RNF212B: variants seen among roughly 807,000 people sequenced by gnomAD.
RNF212B encodes the protein E3 ubiquitin-protein ligase RNF212B.
Under a neutral mutation model 55.5 loss-of-function variants are expected in RNF212B, and 52 were observed. The ratio of observed to expected loss-of-function variants is 0.94; its 90% CI spans 0.75 to 1.18. RNF212B has a LOEUF of 1.18. RNF212B is among the 50% of genes most tolerant of loss of function. The pLI is 0.00. For synonymous variants in RNF212B, 99 were observed against 121.4 expected (o/e 0.82, Z 1.21); for missense variants, 289 against 350.4 (o/e 0.82, Z 1.40).
intron 7 of RNF212B, among the ~76,000 whole-genome samples, chr14:23,261,941 C>T (rs962534017): frequency 2.0e-5 from 3 of 151,928 alleles, no homozygotes; most frequent in Non-Finnish European, 2.9e-5. Context: ...GCACTCCAGC[C>T]TGGGTGACAG....
At chr14:23,186,740 C>T (rs1266457542) in intron 1 of RNF212B, among the ~76,000 whole-genome samples, 2 of 152,130 alleles carry the variant, frequency 1.3e-5, no homozygotes, top group African/African-American at 4.8e-5. Context: ...CATGTAGTAT[C>T]TTGGGCAGAC....
chr14:23,228,507 G>A (rs992808730), intron 2 of RNF212B, among the ~76,000 whole-genome samples: 2 of 149,710 alleles, frequency 1.3e-5, no homozygotes, highest in Non-Finnish European at 3.0e-5. Context: ...GTGGTGGCAT[G>A]TGCCTGTAGT....
At chr14:23,272,215 A>G (rs1886148863) in intron 14 of RNF212B, among the ~76,000 whole-genome samples, 1 of 152,164 alleles carries the variant, frequency 6.6e-6, no homozygotes, top group Non-Finnish European at 1.5e-5. Flanking sequence ...CAGGAGATCG[A>G]GACCATCCTG....
chr14:23,203,706 GA>G (rs1184051459), intron 2 of RNF212B, among the ~76,000 whole-genome samples: 3 of 152,076 alleles, frequency 2.0e-5, no homozygotes, highest in African/African-American at 7.2e-5. Context: ...TTGAACTCCT[GA>G]CCTCATGTGA....
At chr14:23,215,618 A>G (rs1287752989) in intron 2 of RNF212B, among the ~76,000 whole-genome samples, 1 of 152,208 alleles carries the variant, frequency 6.6e-6, no homozygotes, top group Non-Finnish European at 1.5e-5. Flanking sequence ...CCAGAATTCT[A>G]TACCCAGCAA....
Position 23,268,975 on chromosome 14 carries a change from T to C in RNF212B, c.674+12T>C, listed in dbSNP as rs1885884606. On this transcript the variant is annotated intron_variant, in intron 12 of 14. Transcript: ENST00000430154. The stretch of plus-strand genomic sequence containing the variant: ...AGCCTATCTTATAGGTCAGTAACAC[T>C]ATGCTTCCTTTTTCTTGGGATGTGT... 2.6e-6 allele frequency: 4 copies of C among 1,546,876 alleles called. No homozygotes were observed. Among genetic ancestry groups the C allele is most frequent in the Non-Finnish European group, 3.5e-6 (4 of 1,143,560 alleles).
intron 2 of RNF212B, among the ~76,000 whole-genome samples, chr14:23,226,818 T>C (rs1236487468): frequency 1.4e-5 from 2 of 139,710 alleles, no homozygotes; most frequent in African/African-American, 5.2e-5. Context: ...TCTTCTTTTT[T>C]TTTTTTTTAA....
intron 2 of RNF212B, among the ~76,000 whole-genome samples, chr14:23,205,004 T>G (rs1244336578): frequency 6.6e-6 from 1 of 152,192 alleles, no homozygotes; most frequent in Non-Finnish European, 1.5e-5. Context: ...TTAACTCAGT[T>G]TTTTTCCTAA....
At chr14:23,233,745 A>C (rs1292280924), upstream of RNF212B, among the ~76,000 whole-genome samples, 3 of 110,094 alleles carry the variant, frequency 2.7e-5, no homozygotes, top group African/African-American at 8.6e-5. Flanking sequence ...CTGTCTCAAA[A>C]AAAAAAAAAA....
chr14:23,213,609 A>G (rs1468918376), intron 2 of RNF212B, among the ~76,000 whole-genome samples: 2 of 152,140 alleles, frequency 1.3e-5, no homozygotes, highest in African/African-American at 4.8e-5. Flanking sequence ...GGTGGGAGTC[A>G]GTGCTCAGCT....
chr14:23,248,244 C>A (rs1216440930), intron 4 of RNF212B, among the ~76,000 whole-genome samples: 2 of 151,828 alleles, frequency 1.3e-5, no homozygotes, highest in African/African-American at 4.8e-5. Context: ...CCTCTCACCT[C>A]ACCCTCCCAG....
intron 2 of RNF212B, among the ~76,000 whole-genome samples, chr14:23,227,418 G>T (rs1448102843): frequency 6.6e-6 from 1 of 152,048 alleles, no homozygotes; most frequent in Non-Finnish European, 1.5e-5. Context: ...TTTTCTGGGT[G>T]CTGGGAATGT....
At chr14:23,231,117 A>G (rs982183226) in intron 2 of RNF212B, among the ~76,000 whole-genome samples, 2 of 152,108 alleles carry the variant, frequency 1.3e-5, no homozygotes, top group African/African-American at 2.4e-5. Flanking sequence ...GAAATTTTAT[A>G]TTAATTTTAG....
chr14:23,208,944 G>T (rs531035271), intron 2 of RNF212B, among the ~76,000 whole-genome samples: 105 of 151,358 alleles, frequency 6.9e-4, no homozygotes, highest in Middle Eastern at 3.4e-3. Context: ...ATTTTTAGTA[G>T]AGACGGGGTT....
intron 2 of RNF212B, among the ~76,000 whole-genome samples, chr14:23,223,332 C>T (rs527482430): frequency 1.7e-4 from 26 of 151,596 alleles, no homozygotes; most frequent in African/African-American, 5.8e-4. Context: ...GCTAATATTA[C>T]ACTGAATGGA....
chr14:23,238,893 T>A (rs776853987), intron 1 of RNF212B, among the ~76,000 whole-genome samples: 37 of 151,890 alleles, frequency 2.4e-4, no homozygotes, highest in South Asian at 4.1e-4. Context: ...AACACAAAAG[T>A]TATTTAATGT....
In RNF212B at chr14:23,268,949, T is replaced by C. The variant is rs1305490729; in HGVS notation, c.660T>C (p.His220=). The C allele has an allele frequency of 3.2e-6, 5 of 1,550,266 alleles. No homozygotes were observed. Among genetic ancestry groups the C allele is most frequent in the African/African-American group, 1.4e-5 (1 of 73,048 alleles). Residue 220 remains histidine (H), a synonymous_variant, in exon 12 of 15, where the codon CAT becomes CAC. Coordinates refer to ENST00000430154, the MANE Select transcript of RNF212B (RefSeq NM_001282322.3). ...YNETPSPAST[H]SLSYRTSSAS... is the part of the protein sequence containing the mutation. ...AAACCCCTTCACCGGCTTCAACTCATAGCCTATCTTATAGGTCAGTAACAC... is the reference window on the plus strand; with the variant it reads ...AAACCCCTTCACCGGCTTCAACTCACAGCCTATCTTATAGGTCAGTAACAC...
chr14:23,242,578 T>G (rs1883677674), intron 2 of RNF212B, among the ~76,000 whole-genome samples: 1 of 152,218 alleles, frequency 6.6e-6, no homozygotes, highest in Non-Finnish European at 1.5e-5. Context: ...TTTGGTATCT[T>G]GTACTCTTCC....
At chr14:23,198,718 G>C (rs942230988) in intron 2 of RNF212B, among the ~76,000 whole-genome samples, 1 of 151,878 alleles carries the variant, frequency 6.6e-6, no homozygotes, top group African/African-American at 2.4e-5. Context: ...CTATACTCTA[G>C]CTGGTAAGTC....
Sources: gnomAD v4.1 joint callset for allele counts (sites outside exome capture counted in the v4.1 genomes callset) on GRCh38, gnomAD v4.1.1 for gene constraint, MANE v1.5 for transcripts, NCBI Gene and HGNC (gene_info 2026-07-23, HGNC 2026-07-21) for gene names.